The following RNF150 variants were observed in gnomAD, a reference collection of about 807,000 sequenced individuals.
The protein encoded by RNF150 is ring finger protein 150.
RNF150 carries 24 observed loss-of-function variants against 39.3 expected under a neutral mutation model. The ratio of observed to expected loss-of-function variants is 0.61; its 90% CI spans 0.44 to 0.86. RNF150 has a LOEUF of 0.86. RNF150 is among the 40% of genes least tolerant of loss of function. RNF150 has a pLI of 0.00. For synonymous variants in RNF150, 255 were observed against 227.3 expected, an observed-to-expected ratio of 1.12 and a Z score of -1.10; for missense variants, 502 against 587.8, an observed-to-expected ratio of 0.85 and a Z score of 1.51.
At chr4:141,088,640 T>C (rs886099807) in intron 1 of RNF150, among the ~76,000 whole-genome samples, 4 of 151,142 alleles carry the variant, frequency 2.6e-5, no homozygotes, top group African/African-American at 9.7e-5. Flanking sequence ...TGCTGTAATA[T>C]CACCTCAGAA....
intron 2 of RNF150, among the ~76,000 whole-genome samples, chr4:140,954,791 T>A (rs920402264): frequency 6.6e-6 from 1 of 152,034 alleles, no homozygotes; most frequent in African/African-American, 2.4e-5. Flanking sequence ...AAATAAGAAA[T>A]TTTCCTCTTC....
intron 1 of RNF150, among the ~76,000 whole-genome samples, chr4:141,013,475 G>C (rs1262842079): frequency 6.6e-6 from 1 of 152,190 alleles, no homozygotes; most frequent in Non-Finnish European, 1.5e-5. Flanking sequence ...CACAGACCCA[G>C]TGTTGAAAGT....
chr4:140,943,234 A>C (rs79429154), intron 4 of RNF150, among the ~76,000 whole-genome samples: 1 of 152,350 alleles, frequency 6.6e-6, no homozygotes, highest in East Asian at 1.9e-4. Context: ...ATGAGGCACA[A>C]ATAATCTAAA....
chr4:140,968,957 C>T (rs1733355745), intron 1 of RNF150, among the ~76,000 whole-genome samples: 1 of 151,920 alleles, frequency 6.6e-6, no homozygotes, highest in South Asian at 2.1e-4. Flanking sequence ...GGCCTCGCAT[C>T]CACATGGAAA....
At chr4:141,129,455 G>C (rs898657684) in intron 1 of RNF150, among the ~76,000 whole-genome samples, 1 of 152,190 alleles carries the variant, frequency 6.6e-6, no homozygotes, top group Non-Finnish European at 1.5e-5. Context: ...CTAGGGCTGG[G>C]AGTTGGGGAA....
intron 2 of RNF150, among the ~76,000 whole-genome samples, chr4:140,960,881 ACC>A (rs1732994204): frequency 1.3e-5 from 2 of 152,118 alleles, no homozygotes; most frequent in South Asian, 2.1e-4. Context: ...ACTAAACGTG[ACC>A]CATTTAACAA....
chr4:141,132,180 G>T lies in RNF150; in HGVS notation c.484+145C>A. The T allele has an allele frequency of 1.2e-6, 1 of 827,550 alleles. No homozygotes were observed. The highest frequency in any genetic ancestry group is 1.9e-6 in the Non-Finnish European group (1 of 531,742). The allele number at this position is 827,550 out of a possible 1,614,324, so 51.3% of individuals were successfully genotyped here. ...TTGTAAACCCCCCAAGTGACGCGGA[G>T]CAAAACTTAATCGGTCCAGGGAACC... On this transcript the variant is annotated intron_variant, in intron 1 of 6. Transcript: ENST00000515673. This position sits in a 1 kb window ranked among gnomAD's most constrained non-coding sequence, Gnocchi z 4.9.
At chr4:141,149,236 C>CTT (rs909200716) in intron 1 of RNF150, among the ~76,000 whole-genome samples, 3 of 149,294 alleles carry the variant, frequency 2.0e-5, no homozygotes, top group Non-Finnish European at 4.5e-5. Context: ...AAGGCCCTCA[C>CTT]TTTTTTTTTT....
intron 6 of RNF150, among the ~76,000 whole-genome samples, chr4:140,897,253 C>T (rs572433961): frequency 2.6e-5 from 4 of 152,302 alleles, no homozygotes; most frequent in South Asian, 4.1e-4. Flanking sequence ...AATTTCAAGA[C>T]GCTGCAGGGA....
At chr4:140,881,066 G>A (rs1365708856) in intron 6 of RNF150, among the ~76,000 whole-genome samples, 1 of 151,042 alleles carries the variant, frequency 6.6e-6, no homozygotes. Flanking sequence ...TTTGAATTTG[G>A]TTTGTTTTCT....
At position 140,865,721 on chromosome 4, in the gene RNF150, T is replaced by G. The variant is rs924177753; in HGVS notation, c.*2540A>C. The G allele has an allele frequency of 6.6e-6, 1 of 152,608 alleles. No individual in the cohort carries two copies. The highest frequency in any genetic ancestry group is 6.5e-5 in the Admixed American group (1 of 15,274). The allele number at this position is 152,608 out of a possible 1,614,324, so 9.5% of individuals were successfully genotyped here. A position where few individuals can be genotyped will look rare whatever the true frequency, so the allele number is the denominator to read the frequency against. ...CAGACCCCTCATCGTCTATGAGGCA[T>G]CCTGTAAGTGCAGCTGTGGCCAGGG... On this transcript the variant is annotated 3_prime_UTR_variant, in exon 7 of 7. Transcript: ENST00000515673.
chr4:140,925,900 G>A, intron 5 of RNF150, 77 bp downstream of exon 5: 1 of 989,974 alleles, frequency 1.0e-6, no homozygotes. Flanking sequence ...GAACATCCAA[G>A]TATAATGTTT....
rs1424686975 is a variant in RNF150, at chr4:140,864,854, C to T, written c.*3407G>A. On this transcript the variant is annotated 3_prime_UTR_variant, in exon 7 of 7. Transcript: ENST00000515673. ...GGTCAGAGGAGTAACAACAAATGGT[C>T]ATGGACATCAATGATATGGTTAGAA... 6.6e-6 allele frequency: 1 copy of T among 152,140 alleles called. No individual in the cohort carries two copies. The allele number at this position is 152,140 out of a possible 1,614,324, so 9.4% of individuals were successfully genotyped here.
chr4:141,086,293 T>C (rs1306745886), intron 1 of RNF150, among the ~76,000 whole-genome samples: 3 of 152,228 alleles, frequency 2.0e-5, no homozygotes, highest in African/African-American at 4.8e-5. Context: ...TAAGTATAGA[T>C]TTCTAAAAGT....
At chr4:140,989,595 T>A (rs1340611059) in intron 1 of RNF150, among the ~76,000 whole-genome samples, 2 of 152,166 alleles carry the variant, frequency 1.3e-5, no homozygotes, top group East Asian at 3.8e-4. Flanking sequence ...TACAAACTGA[T>A]GTCATTTTGC....
At chr4:141,117,207 G>T (rs1020031723) in intron 1 of RNF150, among the ~76,000 whole-genome samples, 2 of 152,112 alleles carry the variant, frequency 1.3e-5, no homozygotes, top group African/African-American at 4.8e-5. Flanking sequence ...TTGACTTGTG[G>T]AATAATTAAA....
chr4:140,977,429 T>A (rs144628951), intron 1 of RNF150, among the ~76,000 whole-genome samples: 83 of 152,160 alleles, frequency 5.5e-4, no homozygotes, highest in African/African-American at 1.8e-3. Context: ...TTTCAATCCA[T>A]GAGACGAAAA....
At chr4:141,067,154 A>C (rs891463585) in intron 1 of RNF150, among the ~76,000 whole-genome samples, 3 of 152,216 alleles carry the variant, frequency 2.0e-5, no homozygotes, top group African/African-American at 7.2e-5. Flanking sequence ...TGTACTTGCA[A>C]ATACATCAAG....
At chr4:141,158,885 T>G (rs1279375657) in intron 1 of RNF150, among the ~76,000 whole-genome samples, 1 of 152,232 alleles carries the variant, frequency 6.6e-6, no homozygotes, top group Non-Finnish European at 1.5e-5. Flanking sequence ...ATCTGAAATT[T>G]TGCCATTAGT....
Sources: allele counts gnomAD v4.1 joint callset (sites outside exome capture counted in the v4.1 genomes callset), GRCh38; gene constraint gnomAD v4.1.1; non-coding constraint Gnocchi (gnomAD v3.1); transcripts MANE v1.5; gene names NCBI Gene and HGNC (gene_info 2026-07-23, HGNC 2026-07-21).